The following NKAIN2 variants were observed in gnomAD, a reference collection of about 807,000 sequenced individuals.
NKAIN2 encodes the protein sodium/potassium-transporting ATPase subunit beta-1-interacting protein 2.
NKAIN2 carries 14 observed loss-of-function variants against 32.6 expected under a neutral mutation model. The ratio of observed to expected loss-of-function variants is 0.43; its 90% confidence interval spans 0.28 to 0.67. NKAIN2 has a LOEUF of 0.67. Among genes scored for constraint, NKAIN2 ranks in the 30% least tolerant of loss-of-function variants. NKAIN2 has a pLI of 0.17. For synonymous variants in NKAIN2, 80 were observed against 87.2 expected (o/e 0.92, Z 0.46); for missense variants, 198 against 258.3 (o/e 0.77, Z 1.60).
chr6:123,858,804 C>T (rs1372360891), intron 1 of NKAIN2, among the ~76,000 whole-genome samples: 2 of 152,170 alleles, frequency 1.3e-5, no homozygotes, highest in African/African-American at 2.4e-5. Context: ...TTCTTGAAAA[C>T]AGTGAGTGTG....
intron 1 of NKAIN2, among the ~76,000 whole-genome samples, chr6:124,178,514 G>A (rs1039516890): frequency 1.3e-5 from 2 of 151,998 alleles, no homozygotes; most frequent in Admixed American, 1.3e-4. Context: ...AGCCAGGATG[G>A]TCTCAATCTC....
At chr6:124,506,054 G>A (rs1428271824) in intron 3 of NKAIN2, among the ~76,000 whole-genome samples, 1 of 152,020 alleles carries the variant, frequency 6.6e-6, no homozygotes, top group Non-Finnish European at 1.5e-5. Flanking sequence ...GGTGGCAGGC[G>A]CCTGTAGTCC....
intron 1 of NKAIN2, among the ~76,000 whole-genome samples, chr6:123,963,883 C>T (rs1582851046): frequency 6.6e-6 from 1 of 152,108 alleles, no homozygotes; most frequent in African/African-American, 2.4e-5. Flanking sequence ...GTGGTCGCTA[C>T]AATTTATGGT....
At chr6:124,159,838 T>C (rs1788184120) in intron 1 of NKAIN2, among the ~76,000 whole-genome samples, 1 of 152,160 alleles carries the variant, frequency 6.6e-6, no homozygotes, top group African/African-American at 2.4e-5. Context: ...AAGAAAAATA[T>C]AAATAAACCT....
At chr6:124,048,815 T>A (rs1474685702) in intron 1 of NKAIN2, among the ~76,000 whole-genome samples, 2 of 151,932 alleles carry the variant, frequency 1.3e-5, no homozygotes, top group Non-Finnish European at 2.9e-5. Context: ...CACAGAAAAA[T>A]TGCTTACTGC....
intron 4 of NKAIN2, among the ~76,000 whole-genome samples, chr6:124,734,232 A>T (rs1776830962): frequency 6.6e-6 from 1 of 151,870 alleles, no homozygotes; most frequent in Non-Finnish European, 1.5e-5. Context: ...ATATCCAACA[A>T]GTATGTAAAT....
intron 4 of NKAIN2, among the ~76,000 whole-genome samples, chr6:124,733,609 G>A (rs1437486973): frequency 1.3e-5 from 2 of 151,832 alleles, no homozygotes; most frequent in Non-Finnish European, 2.9e-5. Flanking sequence ...GATGGAGAAT[G>A]CTAAAAGCCC....
At chr6:124,331,053 A>G (rs190074926) in intron 2 of NKAIN2, among the ~76,000 whole-genome samples, 4 of 152,138 alleles carry the variant, frequency 2.6e-5, no homozygotes, top group African/African-American at 9.7e-5. Context: ...CCGCTGCCCT[A>G]CAGCATCTAC....
intron 4 of NKAIN2, among the ~76,000 whole-genome samples, chr6:124,715,965 C>T (rs960484017): frequency 2.6e-5 from 4 of 152,250 alleles, no homozygotes; most frequent in South Asian, 2.1e-4. Flanking sequence ...AGTAAAGCCC[C>T]GTGTTTGGGC....
intron 3 of NKAIN2, among the ~76,000 whole-genome samples, chr6:124,566,083 C>G (rs910451314): frequency 2.0e-5 from 3 of 152,176 alleles, no homozygotes; most frequent in African/African-American, 7.2e-5. Context: ...AGATTTGCAC[C>G]AATTCCGATT....
At chr6:123,901,013 GC>G (rs1394946995) in intron 1 of NKAIN2, among the ~76,000 whole-genome samples, 3 of 152,140 alleles carry the variant, frequency 2.0e-5, no homozygotes, top group Non-Finnish European at 4.4e-5. Flanking sequence ...GATTTACCCT[GC>G]GTATCATTCC....
At chr6:124,047,454 A>ATG (rs1554246861) in intron 1 of NKAIN2, among the ~76,000 whole-genome samples, 144 of 152,002 alleles carry the variant, frequency 9.5e-4, no homozygotes, top group African/African-American at 3.4e-3. Context: ...CTCTCTATAT[A>ATG]TATATAGTTA....
chr6:124,751,203 G>A (rs374135365), intron 4 of NKAIN2, among the ~76,000 whole-genome samples: 2 of 152,048 alleles, frequency 1.3e-5, no homozygotes, highest in South Asian at 2.1e-4. Context: ...GAAACTGGGA[G>A]ATAGGGGCAC....
At chr6:124,625,015 T>C (rs62431656) in intron 3 of NKAIN2, among the ~76,000 whole-genome samples, 20,949 of 152,160 alleles carry the variant, frequency 0.14, 1,543 homozygotes, top group South Asian at 0.23. Flanking sequence ...TATACTAAGA[T>C]AATTAAATAT....
At chr6:123,975,809 A>G (rs557863826) in intron 1 of NKAIN2, among the ~76,000 whole-genome samples, 16 of 152,212 alleles carry the variant, frequency 1.1e-4, no homozygotes, top group African/African-American at 3.1e-4. Flanking sequence ...CTTTCACCGT[A>G]ATATCAATAA....
intron 3 of NKAIN2, among the ~76,000 whole-genome samples, chr6:124,458,724 A>T (rs562143749): frequency 8.6e-5 from 13 of 151,976 alleles, no homozygotes; most frequent in African/African-American, 3.1e-4. Context: ...ATATCTAGAC[A>T]CTGCAATATC....
chr6:123,889,924 T>G (rs1039935067), intron 1 of NKAIN2, among the ~76,000 whole-genome samples: 38 of 152,118 alleles, frequency 2.5e-4, no homozygotes, highest in Admixed American at 4.6e-4. Flanking sequence ...GTTTTTAATT[T>G]TTTAGTTATT....
rs1273621310 is a variant in NKAIN2, at chr6:124,760,356, G to A, written c.475-30983G>A. On this transcript the variant is annotated intron_variant, in intron 4 of 6. Coordinates refer to ENST00000368417, the MANE Select transcript of NKAIN2 (RefSeq NM_001040214.3). ...ATCTGTACAGCAATGCCCGCCCCCC[G>A]CCCCACCTACACAAGCTTACCTGTA... 4.2e-5 allele frequency among the ~76,000 whole-genome samples: 4 copies of A among 95,870 alleles called. No individual in the cohort carries two copies. In the East Asian group the frequency reaches 1.2e-3, roughly 28 times the overall value. 62.9% of individuals were successfully genotyped at this position (95,870 alleles called of 152,430 possible).
chr6:124,453,178 G>A (rs1776176152), intron 3 of NKAIN2, among the ~76,000 whole-genome samples: 1 of 151,954 alleles, frequency 6.6e-6, no homozygotes, highest in East Asian at 1.9e-4. Flanking sequence ...GGCATTCATA[G>A]CTAACAATAC....
Sources: allele counts gnomAD v4.1 joint callset (sites outside exome capture counted in the v4.1 genomes callset), GRCh38; gene constraint gnomAD v4.1.1; transcripts MANE v1.5; gene names NCBI Gene and HGNC (gene_info 2026-07-23, HGNC 2026-07-21).